Variants in NLRP5 observed in about 807,000 individuals in gnomAD.
The protein encoded by NLRP5 is NACHT, LRR and PYD domains-containing protein 5.
Under a neutral mutation model 113.1 loss-of-function variants are expected in NLRP5, and 93 were observed. The ratio of observed to expected loss-of-function variants is 0.82; its 90% CI spans 0.70 to 0.98. The LOEUF is 0.98. Among genes scored for constraint, NLRP5 ranks in the 50% least tolerant of loss-of-function variants. NLRP5 has a pLI of 0.00. For synonymous variants in NLRP5, 751 were observed against 600.7 expected (o/e 1.25, Z -3.66); for missense variants, 1,808 against 1,514.3 (o/e 1.19, Z -3.22).
At position 56,040,111 on chromosome 19, in the gene NLRP5, C is replaced by T. The variant is rs190151490; in HGVS notation, c.2787-811C>T. On this transcript the variant is annotated intron_variant, in intron 10 of 14. Transcript: ENST00000390649. ...GACTACATGCATGTACCACCATGCC[C>T]GGCTAATTTTTTCTTTTTAGAGACA... 1.1e-3 allele frequency among the ~76,000 whole-genome samples: 170 copies of T among 152,148 alleles called. 1 individual carries two copies. Among genetic ancestry groups the T allele is most frequent in the Admixed American group, 6.2e-3 (95 of 15,280 alleles).
chr19:56,037,212 C>G (rs554064972), intron 9 of NLRP5, among the ~76,000 whole-genome samples: 1 of 152,076 alleles, frequency 6.6e-6, no homozygotes, highest in African/African-American at 2.4e-5. Context: ...GTTCCTCTTT[C>G]GTAAATACTG....
At chr19:56,042,503 C>T (rs1158366129) in intron 11 of NLRP5, among the ~76,000 whole-genome samples, 3 of 152,168 alleles carry the variant, frequency 2.0e-5, no homozygotes, top group Non-Finnish European at 4.4e-5. Context: ...TGTGCACCAC[C>T]ACACCTGGCT....
At chr19:56,031,806 G>GT in intron 7 of NLRP5, among the ~76,000 whole-genome samples, 1 of 151,992 alleles carries the variant, frequency 6.6e-6, no homozygotes, top group East Asian at 1.9e-4. Context: ...CATGTTCTTT[G>GT]TTCATCCATG....
chr19:56,018,362 A>G (rs1321812115), intron 4 of NLRP5, among the ~76,000 whole-genome samples: 1 of 152,192 alleles, frequency 6.6e-6, no homozygotes, highest in African/African-American at 2.4e-5. Context: ...CATGGTAACT[A>G]TTTCCTGATA....
At position 56,003,959 on chromosome 19, in the gene NLRP5, G is replaced by T; in HGVS notation, c.306G>T (p.Glu102Asp). 6.2e-7 allele frequency: 1 copy of T among 1,613,974 alleles called. No individual in the cohort carries two copies. The highest frequency in any genetic ancestry group is 8.5e-7 in the Non-Finnish European group (1 of 1,179,878). ...GCTCTATTCCACAGTTTGAAATCGAGAATGCCAACGTGGAATGTCTGGCAC... is the reference window on the plus strand; with the variant it reads ...GCTCTATTCCACAGTTTGAAATCGATAATGCCAACGTGGAATGTCTGGCAC... The change falls in exon 2 of 15, where the codon GAG becomes GAT. Residue 102 changes from glutamate (E) to aspartate (D), a missense_variant. Transcript: ENST00000390649.
the NLRP5 span, among the ~76,000 whole-genome samples, chr19:55,994,021 T>G: frequency 6.6e-6 from 1 of 152,068 alleles, no homozygotes; most frequent in Non-Finnish European, 1.5e-5. Flanking sequence ...ATTAATCTAT[T>G]TTCAGTTCTT....
chr19:56,005,093 CA>C (rs1163132309), intron 2 of NLRP5, among the ~76,000 whole-genome samples: 28,481 of 76,168 alleles, frequency 0.37, 3,496 homozygotes, highest in East Asian at 0.42. Context: ...GACTGTGTCT[CA>C]AAAAAAAAAA....
chr19:56,056,090 A>G (rs1052772872), intron 13 of NLRP5, among the ~76,000 whole-genome samples: 3 of 152,258 alleles, frequency 2.0e-5, no homozygotes, highest in South Asian at 2.1e-4. Context: ...ACCTGAGTCA[A>G]TTTCACAACA....
Position 56,026,961 on chromosome 19 carries a change from T to A in NLRP5, c.728T>A (p.Phe243Tyr). 6.4e-7 allele frequency: 1 copy of A among 1,551,648 alleles called. No homozygotes were observed. Among genetic ancestry groups the A allele is most frequent in the East Asian group, 2.4e-5 (1 of 40,914 alleles). The change falls in exon 7 of 15, where the codon TTC becomes TAC. Residue 243 changes from phenylalanine (F) to tyrosine (Y), a missense_variant. Physicochemically the swap from Phe to Tyr is conservative, Grantham distance 22. Transcript: ENST00000390649. ...TACAAGAGTCACGTGATGACCAAAT[T>A]CGCTGAGGAGGAGGATGTACGTCGT...
At chr19:56,034,560 A>C (rs1983242904) in intron 9 of NLRP5, among the ~76,000 whole-genome samples, 1 of 152,208 alleles carries the variant, frequency 6.6e-6, no homozygotes, top group Non-Finnish European at 1.5e-5. Context: ...CTCTGGGGTC[A>C]CACACCCCTC....
chr19:56,025,653 A>G (rs1275795676), intron 6 of NLRP5, among the ~76,000 whole-genome samples: 1 of 151,746 alleles, frequency 6.6e-6, no homozygotes, highest in Non-Finnish European at 1.5e-5. Context: ...CTTGTGATCC[A>G]CATGCCTCAG....
chr19:56,023,895 G>C (rs1260082643), intron 6 of NLRP5, among the ~76,000 whole-genome samples: 1 of 152,154 alleles, frequency 6.6e-6, no homozygotes, highest in Non-Finnish European at 1.5e-5. Context: ...TGTGCAGAGA[G>C]ACTCTTGCTG....
At chr19:55,998,756 G>A (rs1293419525), upstream of NLRP5, among the ~76,000 whole-genome samples, 10 of 70,160 alleles carry the variant, frequency 1.4e-4, no homozygotes, top group Admixed American at 1.1e-3. Context: ...ACACACTTTA[G>A]CCTCACCTGC....
rs775269033 is a variant in NLRP5 at position 56,008,847 on chromosome 19, G to C, written c.502G>C (p.Val168Leu). The change falls in exon 3 of 15, where the codon GTG becomes CTG. Residue 168 changes from valine (V) to leucine (L), a missense_variant. Transcript: ENST00000390649. ...TGACCAAGGACCAAGCAAGGAAAAA[G>C]TGCCAGGTTAGAGGGGTGGAGTTGG... The C allele has an allele frequency of 6.2e-7, 1 of 1,612,330 alleles. No homozygotes were observed. Among genetic ancestry groups the C allele is most frequent in the South Asian group, 1.1e-5 (1 of 90,566 alleles).
At chr19:56,043,729 C>T (rs1161413633) in intron 11 of NLRP5, among the ~76,000 whole-genome samples, 3 of 151,524 alleles carry the variant, frequency 2.0e-5, no homozygotes, top group Non-Finnish European at 4.4e-5. Context: ...CCCACCACCA[C>T]ACCCGGCTAA....
At chr19:56,035,787 T>TG (rs34232778) in intron 9 of NLRP5, among the ~76,000 whole-genome samples, 1 of 152,106 alleles carries the variant, frequency 6.6e-6, no homozygotes, top group African/African-American at 2.4e-5. Context: ...GATAGAGGGA[T>TG]GGGATGATCA....
intron 9 of NLRP5, among the ~76,000 whole-genome samples, chr19:56,037,714 A>AAAAAG (rs200215825): frequency 2.0e-4 from 26 of 131,668 alleles, no homozygotes; most frequent in Admixed American, 2.3e-4. Flanking sequence ...AAAAAAAAAA[A>AAAAAG]TGTTGGCTGG....
intron 14 of NLRP5, among the ~76,000 whole-genome samples, chr19:56,060,292 T>C (rs1018303653): frequency 3.6e-4 from 55 of 151,744 alleles, no homozygotes; most frequent in Admixed American, 3.3e-4. Flanking sequence ...TATTTAAATA[T>C]GTTTATTTCT....
chr19:56,032,572 C>T, intron 7 of NLRP5, 39 bp from the exon 8 acceptor site: 2 of 1,573,080 alleles, frequency 1.3e-6, no homozygotes, highest in Non-Finnish European at 1.7e-6. Flanking sequence ...ATGTTAAACT[C>T]CATCCCATGA....
Sources: allele counts gnomAD v4.1 joint callset (sites outside exome capture counted in the v4.1 genomes callset), GRCh38; gene constraint gnomAD v4.1.1; transcripts MANE v1.5; gene names NCBI Gene and HGNC (gene_info 2026-07-23, HGNC 2026-07-21).